HELZ: variants seen among roughly 807,000 people sequenced by gnomAD.
The protein encoded by HELZ is ATP-dependent RNA helicase with zinc finger domain.
Under a neutral mutation model 218.2 loss-of-function variants are expected in HELZ, and 23 were observed. The ratio of observed to expected loss-of-function variants is 0.11; its 90% CI spans 0.08 to 0.15. The LOEUF (loss-of-function observed/expected upper bound fraction) is 0.15. Among genes scored for constraint, HELZ ranks in the 10% least tolerant of loss-of-function variants. The pLI, the probability that HELZ is intolerant of heterozygous loss-of-function variation, is 1.00. For missense variants in HELZ, 1,813 were observed against 2,353.7 expected (o/e 0.77, Z 4.75); for synonymous variants, 814 against 829.4 (o/e 0.98, Z 0.32).
At chr17:67,224,578 C>T (rs1359353596) in intron 3 of HELZ, 2 of 455,972 alleles carry the variant, frequency 4.4e-6, no homozygotes, top group East Asian at 4.8e-5. Flanking sequence ...TTATTAATAA[C>T]AATGATCATG....
intron 25 of HELZ, 77 bp from the exon 26 acceptor site, chr17:67,123,237 C>G: frequency 1.3e-6 from 1 of 791,010 alleles, no homozygotes; most frequent in Non-Finnish European, 1.9e-6. Flanking sequence ...AATCATTCAA[C>G]AGCAAAATAT....
intron 31 of HELZ, among the ~76,000 whole-genome samples, chr17:67,097,641 T>G (rs1197075115): frequency 6.6e-6 from 1 of 152,232 alleles, no homozygotes; most frequent in Non-Finnish European, 1.5e-5. Context: ...AACGTCAGGT[T>G]CACTGCTGTG....
In HELZ at chr17:67,166,543, G is replaced by C. The variant is rs1425347958; in HGVS notation, c.1830C>G (p.Ile610Met). Reference protein sequence around the residue: ...LCEMHYALDRIKDNGVLFPDI... With the variant: ...LCEMHYALDRMKDNGVLFPDI... ...CTGGAAACAAAACCCCATTGTCCTT[G>C]ATCCTGTCTAGTGCATAGTGCATTT... The change falls in exon 15 of 33, where the codon ATC (isoleucine) becomes ATG (methionine). Residue 610 changes from isoleucine (I) to methionine (M), a missense_variant. By Grantham distance (10) the Ile-to-Met change is conservative (BLOSUM62 1). This residue lies in a region of HELZ where 714 missense variants were observed against 1,029.2 expected (regional missense o/e 0.69). Transcript: ENST00000358691. 1 of 1,612,736 alleles carries C rather than the reference G, an allele frequency of 6.2e-7. No homozygotes were observed. The highest frequency in any genetic ancestry group is 1.1e-5 in the South Asian group (1 of 91,048).
At chr17:67,114,905 T>G (rs2037384529) in intron 27 of HELZ, among the ~76,000 whole-genome samples, 1 of 152,160 alleles carries the variant, frequency 6.6e-6, no homozygotes, top group South Asian at 2.1e-4. Flanking sequence ...CGTGTATAAG[T>G]GGGTGATAAA....
Position 67,228,289 on chromosome 17 carries a change from T to C in HELZ, c.-18-9467A>G, listed in dbSNP as rs116424432. On this transcript the variant is annotated intron_variant, in intron 3 of 32. Transcript: ENST00000358691. ...TTCATTATATAACAAAACAAAAATT[T>C]GTATCAGAAGAATTGCTAGAAAAAA... 5.6e-3 allele frequency among the ~76,000 whole-genome samples: 847 copies of C among 152,344 alleles called. 8 individuals carry two copies. The highest frequency in any genetic ancestry group is 0.019 in the African/African-American group (807 of 41,582).
At chr17:67,099,273 C>T (rs541560778) in intron 31 of HELZ, among the ~76,000 whole-genome samples, 3 of 152,228 alleles carry the variant, frequency 2.0e-5, no homozygotes, top group Non-Finnish European at 4.4e-5. Context: ...CCTTTATTTT[C>T]GGATGGCAAC....
Position 67,225,045 on chromosome 17 carries a change from T to G in HELZ, c.-18-6223A>C, listed in dbSNP as rs969935141. 3 of 626,794 alleles carry G rather than the reference T, an allele frequency of 4.8e-6. No homozygotes were observed. In the African/African-American group the frequency reaches 5.6e-5, roughly 12 times the overall value. The allele number at this position is 626,794 out of a possible 1,614,324, so 38.8% of individuals were successfully genotyped here. A position where few individuals can be genotyped will look rare whatever the true frequency, so the allele number is the denominator to read the frequency against. ...GGGTCAAGTGATCCAGTTCTATGTG[T>G]CATCTTTTATTATGAAGACAATAAA... On this transcript the variant is annotated intron_variant, in intron 3 of 32. Coordinates refer to ENST00000358691, the MANE Select transcript of HELZ (RefSeq NM_014877.4).
At chr17:67,103,142 G>A (rs1598220848) in intron 31 of HELZ, among the ~76,000 whole-genome samples, 1 of 152,022 alleles carries the variant, frequency 6.6e-6, no homozygotes, top group East Asian at 1.9e-4. Context: ...GGCAGAGTGA[G>A]AAACTCCAAA....
chr17:67,140,980 A>G (rs752286510), intron 21 of HELZ, among the ~76,000 whole-genome samples: 13 of 139,540 alleles, frequency 9.3e-5, no homozygotes, highest in Non-Finnish European at 1.9e-4. Context: ...CTTATATTCT[A>G]CTTTTCAAAA....
chr17:67,176,244 T>C (rs1024649076), intron 13 of HELZ: 1 of 152,236 alleles, frequency 6.6e-6, no homozygotes. Flanking sequence ...TATAGGCATC[T>C]ATAAAAAATT....
At position 67,201,123 on chromosome 17, in the gene HELZ, C is replaced by T. The variant is rs376891444; in HGVS notation, c.429+6G>A. On this transcript the variant is annotated splice_donor_region_variant and intron_variant, in intron 7 of 32. Transcript: ENST00000358691. ...CTTCCAAACGGATCCACTGAAATGG[C>T]CTTACCTCTGTTTCTGAGAGAAGTG... 56 of 1,587,806 alleles carry T rather than the reference C, an allele frequency of 3.5e-5. No individual in the cohort carries two copies. The African/African-American group carries it at 6.6e-4, about 19-fold the overall frequency.
intron 21 of HELZ, 111 bp from the exon 22 acceptor site, chr17:67,138,225 T>TTA (rs1567832813): frequency 3.6e-4 from 194 of 541,386 alleles, no homozygotes; most frequent in Non-Finnish European, 5.0e-4. Context: ...AGATGTCATT[T>TTA]AAAAAAAAAA....
At chr17:67,086,619 AAT>A (rs1234216108) in intron 32 of HELZ, among the ~76,000 whole-genome samples, 2 of 42,456 alleles carry the variant, frequency 4.7e-5, no homozygotes, top group South Asian at 1.6e-3. Context: ...TATATAAATA[AAT>A]ATAAATATAA....
intron 3 of HELZ, among the ~76,000 whole-genome samples, chr17:67,229,549 TAC>T (rs1379891428): frequency 6.6e-6 from 1 of 152,228 alleles, no homozygotes; most frequent in African/African-American, 2.4e-5. Context: ...ATCCATTTTA[TAC>T]CATCTTTATC....
chr17:67,095,162 T>G (rs1477699660), intron 31 of HELZ, among the ~76,000 whole-genome samples: 1 of 152,206 alleles, frequency 6.6e-6, no homozygotes, highest in Non-Finnish European at 1.5e-5. Context: ...TCCTTTGTTG[T>G]CATTTCAACA....
chr17:67,195,786 A>G (rs534489097), intron 7 of HELZ, among the ~76,000 whole-genome samples: 1 of 137,010 alleles, frequency 7.3e-6, no homozygotes, highest in Non-Finnish European at 1.6e-5. Flanking sequence ...TATTCACTTT[A>G]CTCTCCTCTT....
chr17:67,207,387 T>A (rs1409840162), intron 5 of HELZ, among the ~76,000 whole-genome samples: 3 of 150,988 alleles, frequency 2.0e-5, no homozygotes, highest in Non-Finnish European at 4.4e-5. Context: ...ACCTGGCTGA[T>A]TTTTGCATTT....
At chr17:67,138,254 G>A in intron 21 of HELZ, 140 bp from the exon 22 acceptor site, 3 of 557,464 alleles carry the variant, frequency 5.4e-6, no homozygotes, top group South Asian at 5.3e-5. Context: ...CCCCTAAATG[G>A]GAGTAATGCT....
intron 3 of HELZ, among the ~76,000 whole-genome samples, chr17:67,228,597 G>T (rs2040953812): frequency 1.3e-5 from 2 of 151,642 alleles, no homozygotes; most frequent in Non-Finnish European, 1.5e-5. Flanking sequence ...GGGAGGCAGA[G>T]GTTGCAGTGA....
Sources: gnomAD v4.1 joint callset for allele counts (sites outside exome capture counted in the v4.1 genomes callset) on GRCh38, gnomAD v4.1.1 for gene constraint, gnomAD v4.1.1 regional missense constraint, MANE v1.5 for transcripts, NCBI Gene and HGNC (gene_info 2026-07-23, HGNC 2026-07-21) for gene names.